The following PCDHGA3 variants were observed in gnomAD, a reference collection of about 807,000 sequenced individuals.
PCDHGA3 encodes protocadherin gamma subfamily A, 3, also known as protocadherin gamma-A3.
In PCDHGA3, 40 loss-of-function variants were observed where a neutral mutation model predicts 58.5. The ratio of observed to expected loss-of-function variants is 0.68; its 90% CI spans 0.53 to 0.89. The LOEUF (loss-of-function observed/expected upper bound fraction) is 0.89, where lower values mean the gene tolerates loss of function less well. Ranked by LOEUF, PCDHGA3 falls within the 40% of genes least tolerant of loss-of-function variation. The pLI, the probability that PCDHGA3 is intolerant of heterozygous loss-of-function variation, is 0.00. For synonymous variants in PCDHGA3, 530 were observed against 525.7 expected (o/e 1.01, Z -0.11); for missense variants, 1,223 against 1,195.9 (o/e 1.02, Z -0.33).
chr5:141,415,332 G>A (rs758125316), intron 1 of PCDHGA3: 1 of 1,614,214 alleles, frequency 6.2e-7, no homozygotes, highest in South Asian at 1.1e-5. Context: ...TGGCGCACAG[G>A]CTGCGGCGCT....
chr5:141,365,280 TG>T, intron 1 of PCDHGA3: 2 of 1,614,018 alleles, frequency 1.2e-6, no homozygotes. Flanking sequence ...TTCTACCTCA[TG>T]GAAGTGGTAG....
rs762408704 is a variant in PCDHGA3 at position 141,486,335 on chromosome 5, C to G, written c.2425-8472C>G. 6.2e-7 allele frequency: 1 copy of G among 1,613,936 alleles called. No individual in the cohort carries two copies. The highest frequency in any genetic ancestry group is 8.5e-7 in the Non-Finnish European group (1 of 1,180,002). ...AGGGTCAAACGGAGATGTGAGCCTC[C>G]GCATTCCTGACCACTTGCCATTTGC... On this transcript the variant is annotated intron_variant, in intron 1 of 3. Transcript: ENST00000253812. This position sits in a 1 kb window ranked among gnomAD's most constrained non-coding sequence, Gnocchi z 5.0.
chr5:141,403,390 G>T (rs1471861396), intron 1 of PCDHGA3: 14 of 1,614,038 alleles, frequency 8.7e-6, no homozygotes, highest in African/African-American at 1.3e-5. Context: ...ACGAAATCGC[G>T]GTTCCTGGAG....
At chr5:141,355,428 C>A in intron 1 of PCDHGA3, 1 of 1,614,082 alleles carries the variant, frequency 6.2e-7, no homozygotes, top group Non-Finnish European at 8.5e-7. Context: ...AGCTTTTCGC[C>A]CTGAACCCGC....
At chr5:141,370,900 A>G (rs1561548541) in intron 1 of PCDHGA3, 1 of 1,613,950 alleles carries the variant, frequency 6.2e-7, no homozygotes, top group African/African-American at 1.3e-5. Flanking sequence ...TCGCTGCAGC[A>G]GTACTACCTC....
intron 1 of PCDHGA3, chr5:141,421,165 T>C: frequency 7.7e-7 from 1 of 1,297,018 alleles, no homozygotes; most frequent in Non-Finnish European, 1.0e-6. Flanking sequence ...ACTTCATAGA[T>C]ACATAAGCCG....
chr5:141,390,373 AT>A, intron 1 of PCDHGA3: 1 of 1,481,206 alleles, frequency 6.8e-7, no homozygotes, highest in Non-Finnish European at 9.2e-7. Flanking sequence ...AAAATATATA[AT>A]TTTTAGATGT....
Position 141,432,253 on chromosome 5 carries a change from G to A in PCDHGA3, c.2425-62554G>A, listed in dbSNP as rs1193159615. ...CCCTGGCTGAGAACACCATCCAAGGGGCAAGCCTATCGTCCTACGTGTCCA... is the reference window on the plus strand; with the variant it reads ...CCCTGGCTGAGAACACCATCCAAGGAGCAAGCCTATCGTCCTACGTGTCCA... On this transcript the variant is annotated intron_variant, in intron 1 of 3. Coordinates refer to ENST00000253812, the MANE Select transcript of PCDHGA3 (RefSeq NM_018916.4). The surrounding 1 kb of genome is among the most constrained non-coding windows in gnomAD (Gnocchi z 6.0). 2.5e-6 allele frequency: 4 copies of A among 1,614,086 alleles called. No individual in the cohort carries two copies. Among genetic ancestry groups the A allele is most frequent in the Non-Finnish European group, 3.4e-6 (4 of 1,180,046 alleles).
At chr5:141,393,707 T>TG in intron 1 of PCDHGA3, 2 of 1,613,882 alleles carry the variant, frequency 1.2e-6, no homozygotes, top group South Asian at 2.2e-5. Context: ...ATGAAAATAC[T>TG]GGGGAAATAT....
chr5:141,346,211 G>C lies in PCDHGA3; in HGVS notation c.2178G>C (p.Gln726His). 1 of 1,614,182 alleles carries C rather than the reference G, an allele frequency of 6.2e-7. No homozygotes were observed. Among genetic ancestry groups the C allele is most frequent in the South Asian group, 1.1e-5 (1 of 91,084 alleles). The change falls in exon 1 of 4, where the codon CAG (glutamine) becomes CAC (histidine). Residue 726 changes from glutamine to histidine, a missense_variant. Gln to His is a conservative substitution (Grantham distance 24). Coordinates refer to ENST00000253812, the MANE Select transcript of PCDHGA3 (RefSeq NM_018916.4). ...GCTGGCACAAGTCACGCCTGCTGCA[G>C]GCTTCGGGAGGCGGCTTGGCGAGTA... ...LRRWHKSRLLQASGGGLASTP... is the reference protein window; with the variant it reads ...LRRWHKSRLLHASGGGLASTP...
intron 1 of PCDHGA3, among the ~76,000 whole-genome samples, chr5:141,457,480 G>T (rs566798464): frequency 6.6e-6 from 1 of 152,148 alleles, no homozygotes; most frequent in African/African-American, 2.4e-5. Context: ...GCAGGGCCAG[G>T]GTTAGTCTAA....
chr5:141,430,258 A>T (rs542653323), intron 1 of PCDHGA3, among the ~76,000 whole-genome samples: 1 of 147,968 alleles, frequency 6.8e-6, no homozygotes, highest in Non-Finnish European at 1.5e-5. Flanking sequence ...AGACATCTCC[A>T]TAATAGGTGT....
chr5:141,367,688 C>G (rs1765290329), intron 1 of PCDHGA3: 1 of 152,096 alleles, frequency 6.6e-6, no homozygotes, highest in Admixed American at 6.5e-5. Flanking sequence ...GAGAAGAAAT[C>G]AGTGTAAAGG....
At chr5:141,420,010 GTC>G in intron 1 of PCDHGA3, 1 of 1,614,088 alleles carries the variant, frequency 6.2e-7, no homozygotes, top group South Asian at 1.1e-5. Context: ...GCCTGCGACA[GTC>G]TTTCAGCCCT....
chr5:141,404,073 G>A lies in PCDHGA3; in HGVS notation c.2424+57616G>A, dbSNP rs746951310. On this transcript the variant is annotated intron_variant, in intron 1 of 3. Transcript: ENST00000253812. The stretch of plus-strand genomic sequence containing the variant: ...ATTCTTCTTTTCAATGCTCATGACC[G>A]AGACTCCGGGAAGAATGGTCAAGTT... The A allele has an allele frequency of 1.5e-5, 24 of 1,613,602 alleles. No individual in the cohort carries two copies. Among genetic ancestry groups the A allele is most frequent in the Non-Finnish European group, 1.9e-5 (22 of 1,179,684 alleles).
At chr5:141,507,563 G>A (rs2099861587) in intron 3 of PCDHGA3, among the ~76,000 whole-genome samples, 1 of 152,222 alleles carries the variant, frequency 6.6e-6, no homozygotes, top group Non-Finnish European at 1.5e-5. Flanking sequence ...CAGGCGGCTG[G>A]GTCTGAGGAG....
intron 1 of PCDHGA3, among the ~76,000 whole-genome samples, chr5:141,447,787 T>C (rs1025269338): frequency 1.3e-5 from 2 of 152,106 alleles, no homozygotes; most frequent in Non-Finnish European, 2.9e-5. Context: ...TGAAAATAAA[T>C]TTAAGAAAAT....
chr5:141,352,508 C>G (rs774085547), intron 1 of PCDHGA3: 2 of 1,614,022 alleles, frequency 1.2e-6, no homozygotes, highest in Non-Finnish European at 8.5e-7. Context: ...TTCCTACAAT[C>G]TATGTATTGC....
At position 141,344,107 on chromosome 5, in the gene PCDHGA3, A is replaced by T; in HGVS notation, c.74A>T (p.Glu25Val). ...LLCALLGTLC[E>V]TGSGQIRYSV... ...TGCGCGCTCCTGGGGACGCTGTGCG[A>T]AACAGGATCCGGTCAGATCCGCTAC... is the stretch of plus-strand genomic sequence containing the variant. Residue 25 changes from glutamate to valine, a missense_variant, in exon 1 of 4, where the codon GAA (glutamate) becomes GTA (valine). By Grantham distance (121) the Glu-to-Val change is moderately radical (BLOSUM62 -2). Around this residue, in one of 3 missense-constraint regions of PCDHGA3, gnomAD observed 791 missense variants for 708.5 expected, o/e 1.12. Transcript: ENST00000253812. 1 of 1,613,998 alleles carries T rather than the reference A, an allele frequency of 6.2e-7. No homozygotes were observed. The highest frequency in any genetic ancestry group is 8.5e-7 in the Non-Finnish European group (1 of 1,179,858).
Sources: allele counts gnomAD v4.1 joint callset (sites outside exome capture counted in the v4.1 genomes callset), GRCh38; gene constraint gnomAD v4.1.1; regional missense constraint gnomAD v4.1.1; non-coding constraint Gnocchi (gnomAD v3.1); transcripts MANE v1.5; gene names NCBI Gene and HGNC (gene_info 2026-07-23, HGNC 2026-07-21).